Variants in BLTP1 observed in about 807,000 individuals in gnomAD.
The protein encoded by BLTP1 is fragile site-associated protein.
chr4:122,302,735 C>T, the BLTP1 span, among the ~76,000 whole-genome samples: 1 of 152,140 alleles, frequency 6.6e-6, no homozygotes, highest in African/African-American at 2.4e-5. Context: ...CTCCAGTGAA[C>T]ACAGGAATGA....
chr4:122,233,253 G>A, the BLTP1 span, among the ~76,000 whole-genome samples: 1 of 152,228 alleles, frequency 6.6e-6, no homozygotes, highest in Non-Finnish European at 1.5e-5. Context: ...CGTTTGTTGT[G>A]TAACTTGTGT....
At chr4:122,309,797 C>G in the BLTP1 span, among the ~76,000 whole-genome samples, 9 of 151,974 alleles carry the variant, frequency 5.9e-5, no homozygotes, top group Non-Finnish European at 1.3e-4. Flanking sequence ...TGTGCAATAT[C>G]CAACTCACCA....
chr4:122,210,027 C>A, the BLTP1 span: 10 of 1,442,532 alleles, frequency 6.9e-6, no homozygotes, highest in African/African-American at 8.6e-5. Flanking sequence ...ATTCTTGTGA[C>A]ATAGTATAAA....
At chr4:122,211,266 T>C in the BLTP1 span, among the ~76,000 whole-genome samples, 4 of 152,128 alleles carry the variant, frequency 2.6e-5, no homozygotes, top group African/African-American at 4.8e-5. Flanking sequence ...AAATTATTTA[T>C]TAAAAATAGT....
chr4:122,267,659 T>C, the BLTP1 span: 1 of 962,940 alleles, frequency 1.0e-6, no homozygotes, highest in Non-Finnish European at 1.2e-6. Flanking sequence ...AGTCTAGCCA[T>C]CAGAAACAAA....
At chr4:122,266,730 A>G in the BLTP1 span, 2 of 1,435,754 alleles carry the variant, frequency 1.4e-6, no homozygotes, top group Admixed American at 2.5e-5. Context: ...TGTAATTTCT[A>G]CAGTAAATGA....
At chr4:122,267,623 A>C in the BLTP1 span, 4 of 980,232 alleles carry the variant, frequency 4.1e-6, no homozygotes, top group South Asian at 1.9e-4. Context: ...ATTTTGTATT[A>C]GAAATAGGGC....
chr4:122,262,959 A>C, the BLTP1 span: 1 of 1,613,844 alleles, frequency 6.2e-7, no homozygotes, highest in East Asian at 2.2e-5. Flanking sequence ...TGCTGCTGTG[A>C]AAAGTAGCTC....
At chr4:122,337,038 T>C in the BLTP1 span, 1 of 1,568,942 alleles carries the variant, frequency 6.4e-7, no homozygotes, top group Non-Finnish European at 8.7e-7. Context: ...ACTTCATTTC[T>C]TTCTTTTTGT....
the BLTP1 span, chr4:122,267,051 ATTTTTTT>A: frequency 3.7e-3 from 568 of 152,014 alleles, no homozygotes; most frequent in Non-Finnish European, 4.6e-3. Context: ...TAAGGAAGTA[ATTTTTTT>A]TTTTTTTTTT....
At chr4:122,362,305 GT>G in the BLTP1 span, 8 of 1,276,668 alleles carry the variant, frequency 6.3e-6, no homozygotes, top group South Asian at 1.3e-5. Flanking sequence ...ACACTGGAGT[GT>G]TTTTTTAGTA....
the BLTP1 span, chr4:122,354,051 T>A: frequency 1.5e-5 from 24 of 1,591,450 alleles, no homozygotes; most frequent in African/African-American, 3.2e-4. Flanking sequence ...AGATTTATTT[T>A]GTTTTTTCCA....
At chr4:122,328,256 C>A in the BLTP1 span, 1 of 1,610,820 alleles carries the variant, frequency 6.2e-7, no homozygotes, top group Non-Finnish European at 8.5e-7. Context: ...CTGAAGAGGG[C>A]CGACGGGATG....
the BLTP1 span, chr4:122,306,070 T>A: frequency 6.9e-5 from 108 of 1,567,060 alleles, no homozygotes; most frequent in African/African-American, 1.4e-3. Flanking sequence ...ATCACTACTA[T>A]CCTCTGGGAT....
the BLTP1 span, chr4:122,243,591 A>C: frequency 2.7e-6 from 1 of 364,704 alleles, no homozygotes; most frequent in Non-Finnish European, 3.8e-6. Flanking sequence ...TTAGTACAAA[A>C]AATACAAAAA....
At chr4:122,247,217 G>C in the BLTP1 span, 10 of 1,613,340 alleles carry the variant, frequency 6.2e-6, no homozygotes, top group African/African-American at 1.3e-5. Flanking sequence ...AATTTTGATA[G>C]GTATGTTCAT....
the BLTP1 span, chr4:122,202,467 A>G: frequency 1.1e-4 from 33 of 310,956 alleles, no homozygotes; most frequent in Admixed American, 2.6e-4. Flanking sequence ...GTAAAACAGT[A>G]TGTCCAGGGT....
At chr4:122,233,795 C>T in the BLTP1 span, among the ~76,000 whole-genome samples, 1 of 152,144 alleles carries the variant, frequency 6.6e-6, no homozygotes, top group Non-Finnish European at 1.5e-5. Context: ...ACACTTAATA[C>T]AATTTATGAT....
the BLTP1 span, chr4:122,355,968 ACCACAGGAG>A: frequency 6.2e-7 from 1 of 1,609,888 alleles, no homozygotes; most frequent in East Asian, 2.2e-5. Flanking sequence ...ATGTTCAAGA[ACCACAGGAG>A]CCTTCATTAC....
Sources: allele counts gnomAD v4.1 joint callset (sites outside exome capture counted in the v4.1 genomes callset), GRCh38; gene constraint gnomAD v4.1.1; transcripts MANE v1.5; gene names NCBI Gene and HGNC (gene_info 2026-07-23, HGNC 2026-07-21).